Variants in SFT2D1 observed in about 807,000 individuals in gnomAD.
The protein encoded by SFT2D1 is vesicle transport protein SFT2A.
Under a neutral mutation model 28.1 loss-of-function variants are expected in SFT2D1, and 24 were observed. The observed-to-expected ratio is 0.85, with a 90% CI of 0.62 to 1.20. The LOEUF (loss-of-function observed/expected upper bound fraction) is 1.20. Among genes scored for constraint, SFT2D1 ranks in the 50% most tolerant of loss-of-function variants. The probability of loss-of-function intolerance (pLI) is 0.00; values close to 1 mark genes in which losing one functional copy is unlikely to be tolerated. For synonymous variants in SFT2D1, 82 were observed against 73.7 expected (o/e 1.11, Z -0.58); for missense variants, 181 against 190.9 (o/e 0.95, Z 0.31).
rs1159615099 is a variant in SFT2D1 at position 166,322,689 on chromosome 6, CAA to C, written c.440+166_440+167del. On this transcript the variant is annotated intron_variant, in intron 7 of 7. Coordinates refer to ENST00000361731, the MANE Select transcript of SFT2D1 (RefSeq NM_145169.3). ...CTGGCGACACAGTGAGACTCTGTCT[CAA>C]AAAAAAAAAAAAAAAAAAAAGTATG... 5.7e-3 allele frequency among the ~76,000 whole-genome samples: 313 copies of C among 54,652 alleles called. 1 individual carries two copies. The highest frequency in any genetic ancestry group is 0.017 in the African/African-American group (280 of 16,190). 35.9% of individuals were successfully genotyped at this position (54,652 alleles called of 152,430 possible).
intron 1 of SFT2D1, among the ~76,000 whole-genome samples, chr6:166,337,669 A>G (rs1778683281): frequency 6.6e-6 from 1 of 152,234 alleles, no homozygotes; most frequent in African/African-American, 2.4e-5. Context: ...TGGGAAAGGC[A>G]GAGAGAGCTT....
At chr6:166,338,350 C>T (rs867323827) in intron 1 of SFT2D1, among the ~76,000 whole-genome samples, 16 of 152,164 alleles carry the variant, frequency 1.1e-4, no homozygotes, top group Non-Finnish European at 1.6e-4. Context: ...AGCTATTAGA[C>T]ACCAGGTACT....
At chr6:166,328,586 T>C (rs1562443664) in intron 3 of SFT2D1, among the ~76,000 whole-genome samples, 1 of 152,194 alleles carries the variant, frequency 6.6e-6, no homozygotes, top group African/African-American at 2.4e-5. Flanking sequence ...AGTGTGTTAG[T>C]ATGAAGACCG....
chr6:166,324,551 G>T lies in SFT2D1; in HGVS notation c.396C>A (p.Phe132Leu), dbSNP rs756239938. 3 of 1,612,544 alleles carry T rather than the reference G, an allele frequency of 1.9e-6. No homozygotes were observed. The highest frequency in any genetic ancestry group is 1.1e-5 in the South Asian group (1 of 90,752). The stretch of plus-strand genomic sequence containing the variant: ...GAAAGACTTACCAGGTCATTGACAA[G>T]AACTGCAATATGCAGAATAACACAG... The part of the protein sequence containing the change: ...GLAVLFCILQ[F>L]LSMTWYSLSY... Residue 132 changes from phenylalanine to leucine, a missense_variant, in exon 6 of 8, where the codon TTC becomes TTA. Phe to Leu is a conservative substitution (Grantham distance 22, BLOSUM62 0). Transcript: ENST00000361731.
chr6:166,326,985 T>C (rs1778456898), intron 4 of SFT2D1, among the ~76,000 whole-genome samples: 1 of 152,202 alleles, frequency 6.6e-6, no homozygotes, highest in Admixed American at 6.5e-5. Context: ...CATATGCTAT[T>C]ATAGGAAATT....
chr6:166,336,984 A>G (rs943818437), intron 1 of SFT2D1, among the ~76,000 whole-genome samples: 1 of 152,076 alleles, frequency 6.6e-6, no homozygotes, highest in Non-Finnish European at 1.5e-5. Context: ...TCTGGGGGGG[A>G]CACAGACATT....
intron 2 of SFT2D1, among the ~76,000 whole-genome samples, 161 bp downstream of exon 2, chr6:166,330,000 T>C (rs1778520698): frequency 6.6e-6 from 1 of 152,222 alleles, no homozygotes; most frequent in African/African-American, 2.4e-5. Context: ...AATTTCTACG[T>C]ATTTTCATTG....
At chr6:166,338,078 G>A (rs1171564959) in intron 1 of SFT2D1, among the ~76,000 whole-genome samples, 4 of 152,122 alleles carry the variant, frequency 2.6e-5, no homozygotes, top group Non-Finnish European at 2.9e-5. Context: ...CTCAAAACCC[G>A]TAAGAAATAA....
intron 1 of SFT2D1, among the ~76,000 whole-genome samples, chr6:166,332,389 G>A (rs932276335): frequency 2.6e-5 from 4 of 152,064 alleles, no homozygotes; most frequent in African/African-American, 9.7e-5. Context: ...CAATTAGCTG[G>A]GACTACAGGT....
intron 1 of SFT2D1, 46 bp downstream of exon 1, chr6:166,342,373 G>T: frequency 6.6e-7 from 1 of 1,523,870 alleles, no homozygotes; most frequent in Non-Finnish European, 8.8e-7. Context: ...GTGCGGCCGG[G>T]GCCAGCGGGC....
chr6:166,325,398 G>T (rs1562442367), intron 5 of SFT2D1, among the ~76,000 whole-genome samples: 1 of 152,162 alleles, frequency 6.6e-6, no homozygotes, highest in African/African-American at 2.4e-5. Context: ...AATAGGTTGA[G>T]TACAATAGAA....
intron 4 of SFT2D1, among the ~76,000 whole-genome samples, chr6:166,326,804 A>G (rs1778452194): frequency 6.6e-6 from 1 of 152,222 alleles, no homozygotes; most frequent in African/African-American, 2.4e-5. Context: ...TTCTCTCAAC[A>G]TGTGTGTTTT....
At position 166,328,266 on chromosome 6, in the gene SFT2D1, A is replaced by T. The variant is rs770246134; in HGVS notation, c.315+10T>A. On this transcript the variant is annotated intron_variant, in intron 4 of 7. Transcript: ENST00000361731. The stretch of plus-strand genomic sequence containing the variant: ...TCAATAAAAGTTTTAAAAATGTATT[A>T]TTTACTTACAAGCATAACAATTGTT... 6.4e-7 allele frequency: 1 copy of T among 1,554,418 alleles called. No individual in the cohort carries two copies.
At chr6:166,328,066 G>A (rs1006461894) in intron 4 of SFT2D1, among the ~76,000 whole-genome samples, 6 of 151,870 alleles carry the variant, frequency 4.0e-5, no homozygotes, top group African/African-American at 7.3e-5. Context: ...CCAAAGTGCT[G>A]GGATTACAGA....
chr6:166,339,716 T>C (rs897060543), intron 1 of SFT2D1, among the ~76,000 whole-genome samples: 2 of 152,228 alleles, frequency 1.3e-5, no homozygotes, highest in Non-Finnish European at 2.9e-5. Flanking sequence ...CTTCCCTCAC[T>C]TTCTGGGGCA....
rs1395105445 is a variant in SFT2D1, at chr6:166,320,277, A to T, written c.441-21T>A. On this transcript the variant is annotated intron_variant, in intron 7 of 7. Transcript: ENST00000361731. ...CATCCCTGGTGGAAAAGAGAGGGAA[A>T]AAAACAGAATATAATATTCCTCAAA... is the stretch of plus-strand genomic sequence containing the variant. 3.1e-6 allele frequency: 5 copies of T among 1,605,300 alleles called. No individual in the cohort carries two copies. The Admixed American group carries it at 8.5e-5, about 27-fold the overall frequency.
At chr6:166,341,421 G>A (rs1034884077) in intron 1 of SFT2D1, among the ~76,000 whole-genome samples, 2 of 149,542 alleles carry the variant, frequency 1.3e-5, no homozygotes, top group African/African-American at 5.0e-5. Context: ...TGCACTCCAG[G>A]CCTGAGCGAC....
chr6:166,328,010 C>A (rs1483824449), intron 4 of SFT2D1, among the ~76,000 whole-genome samples: 1 of 152,024 alleles, frequency 6.6e-6, no homozygotes, highest in East Asian at 1.9e-4. Context: ...ATTGGTCAGG[C>A]TGGTCTTGAA....
At chr6:166,329,155 T>A (rs964902649) in intron 3 of SFT2D1, among the ~76,000 whole-genome samples, 10 of 152,200 alleles carry the variant, frequency 6.6e-5, no homozygotes, top group Non-Finnish European at 1.2e-4. Context: ...TTTAGGTTCA[T>A]CGCCATGGGC....
Sources: allele counts gnomAD v4.1 joint callset (sites outside exome capture counted in the v4.1 genomes callset), GRCh38; gene constraint gnomAD v4.1.1; transcripts MANE v1.5; gene names NCBI Gene and HGNC (gene_info 2026-07-23, HGNC 2026-07-21).